Variants in AUTS2 observed in about 807,000 individuals in gnomAD.
AUTS2 encodes autism susceptibility gene 2 protein.
AUTS2 carries 17 observed loss-of-function variants against 112.4 expected under a neutral mutation model. The observed-to-expected ratio is 0.15, with a 90% CI of 0.10 to 0.23. The LOEUF (loss-of-function observed/expected upper bound fraction) is 0.23, where lower values mean the gene tolerates loss of function less well. Ranked by LOEUF, AUTS2 falls within the 10% of genes least tolerant of loss-of-function variation. The pLI, the probability that AUTS2 is intolerant of heterozygous loss-of-function variation, is 1.00. For missense variants in AUTS2, 1,510 were observed against 1,701.6 expected, an observed-to-expected ratio of 0.89 and a Z score of 1.98; for synonymous variants, 751 against 702.7, an observed-to-expected ratio of 1.07 and a Z score of -1.09.
At position 70,118,214 on chromosome 7, in the gene AUTS2, C is replaced by T. The variant is rs1192623569; in HGVS notation, c.605C>T (p.Ser202Phe). ...TCCAAGGGCTTCCACCGGAGCAGCT[C>T]TCGGGAAAGGCTCAGTGATGTAAGT... is the stretch of plus-strand genomic sequence containing the variant. ...GESKGFHRSS[S>F]RERLSDSSAP... The change falls in exon 3 of 19, where the codon TCT becomes TTT. Residue 202 changes from serine (S) to phenylalanine (F), a missense_variant. Around this residue, in one of 3 missense-constraint regions of AUTS2, gnomAD observed 535 missense variants for 594.3 expected, o/e 0.90. Coordinates refer to ENST00000342771, the MANE Select transcript of AUTS2 (RefSeq NM_015570.4). 6.3e-7 allele frequency: 1 copy of T among 1,593,652 alleles called. No individual in the cohort carries two copies. The highest frequency in any genetic ancestry group is 1.1e-5 in the South Asian group (1 of 88,778).
intron 4 of AUTS2, among the ~76,000 whole-genome samples, chr7:70,211,885 C>CTGAGGCAGGAGAATGGAG (rs1810923526): frequency 6.6e-6 from 1 of 151,866 alleles, no homozygotes; most frequent in South Asian, 2.1e-4. Flanking sequence ...ACTCGGGCGG[C>CTGAGGCAGGAGAATGGAG]TGAGGCAGGA....
intron 1 of AUTS2, among the ~76,000 whole-genome samples, chr7:69,760,197 CTTTTTTTTTTTTT>C (rs375758180): frequency 5.8e-5 from 7 of 121,068 alleles, no homozygotes; most frequent in African/African-American, 2.1e-4. Context: ...TTCTTTTTTT[CTTTTTTTTTTTTT>C]TTTTAAATAG....
chr7:70,068,885 T>A (rs887280500), intron 2 of AUTS2, among the ~76,000 whole-genome samples: 1 of 152,226 alleles, frequency 6.6e-6, no homozygotes, highest in Non-Finnish European at 1.5e-5. Context: ...AGTATGACTT[T>A]CAGTCTGTGA....
chr7:70,555,361 T>TA (rs1352518863), intron 5 of AUTS2, among the ~76,000 whole-genome samples: 3 of 152,222 alleles, frequency 2.0e-5, no homozygotes, highest in African/African-American at 7.2e-5. Context: ...GAGTTAAAGT[T>TA]AGACAGGTTG....
intron 2 of AUTS2, among the ~76,000 whole-genome samples, chr7:70,117,271 T>C (rs1805433343): frequency 6.6e-6 from 1 of 152,086 alleles, no homozygotes; most frequent in Non-Finnish European, 1.5e-5. Flanking sequence ...CTTTTAAATA[T>C]GTAGTAAGAA....
chr7:69,848,102 C>T (rs778990532), intron 1 of AUTS2, among the ~76,000 whole-genome samples: 3 of 152,154 alleles, frequency 2.0e-5, no homozygotes, highest in South Asian at 2.1e-4. Flanking sequence ...TCATAGATCC[C>T]GTGGTTTGCT....
intron 4 of AUTS2, among the ~76,000 whole-genome samples, chr7:70,367,429 G>A (rs1046964141): frequency 2.0e-5 from 3 of 151,714 alleles, no homozygotes; most frequent in Non-Finnish European, 4.4e-5. Flanking sequence ...GGTGATGGGC[G>A]CTTGTAGTCC....
intron 2 of AUTS2, among the ~76,000 whole-genome samples, chr7:69,979,848 G>A (rs938893965): frequency 4.6e-5 from 7 of 152,130 alleles, no homozygotes; most frequent in African/African-American, 1.2e-4. Context: ...TCACATATTC[G>A]CCTTGTTTTT....
At position 70,376,646 on chromosome 7, in the gene AUTS2, T is replaced by C. The variant is rs187775402; in HGVS notation, c.661-59106T>C. Among the ~76,000 whole-genome samples, 419 of 151,420 alleles carry C rather than the reference T, an allele frequency of 2.8e-3. 4 individuals are homozygous for C. The highest frequency in any genetic ancestry group is 9.3e-3 in the African/African-American group (383 of 41,218). ...TGCTCTCCTGTGTGATGTAATGGTG[T>C]GAAATGGTGTTTCCAGTGGAAGGCC... On this transcript the variant is annotated intron_variant, in intron 4 of 18. Transcript: ENST00000342771.
At chr7:69,847,539 G>C (rs1792261760) in intron 1 of AUTS2, among the ~76,000 whole-genome samples, 1 of 152,128 alleles carries the variant, frequency 6.6e-6, no homozygotes, top group African/African-American at 2.4e-5. Context: ...GAATCTACCT[G>C]GCCTTCTTCA....
intron 2 of AUTS2, among the ~76,000 whole-genome samples, chr7:70,094,659 G>C (rs1463005063): frequency 6.6e-6 from 1 of 152,154 alleles, no homozygotes; most frequent in Non-Finnish European, 1.5e-5. Context: ...AAGCAGTATG[G>C]AAATGGCTCA....
At chr7:69,700,712 T>C (rs572914641) in intron 1 of AUTS2, among the ~76,000 whole-genome samples, 36 of 152,330 alleles carry the variant, frequency 2.4e-4, no homozygotes, top group Admixed American at 1.4e-3. Context: ...TGCCTCAAGT[T>C]TGTATTTCTT....
intron 2 of AUTS2, among the ~76,000 whole-genome samples, chr7:70,062,957 G>T (rs1266544940): frequency 6.6e-6 from 1 of 152,158 alleles, no homozygotes; most frequent in African/African-American, 2.4e-5. Context: ...AGAGATCTAT[G>T]ATTCATTACT....
chr7:70,367,583 T>A (rs1176323820), intron 4 of AUTS2, among the ~76,000 whole-genome samples: 1 of 150,912 alleles, frequency 6.6e-6, no homozygotes, highest in Non-Finnish European at 1.5e-5. Flanking sequence ...TAAAAAATAA[T>A]AATAATAATA....
At chr7:70,787,469 G>T in intron 18 of AUTS2, 38 bp downstream of exon 18, 1 of 1,462,564 alleles carries the variant, frequency 6.8e-7, no homozygotes, top group Non-Finnish European at 9.4e-7. Context: ...CCACGGGGGA[G>T]CCTGCTCTAT....
intron 2 of AUTS2, among the ~76,000 whole-genome samples, chr7:70,007,284 C>T (rs895529929): frequency 3.9e-5 from 6 of 152,194 alleles, no homozygotes; most frequent in Middle Eastern, 3.4e-3. Flanking sequence ...GGTTGCTTTC[C>T]TAAGTATAAA....
chr7:70,547,474 C>G (rs889274743), intron 5 of AUTS2, among the ~76,000 whole-genome samples: 1 of 152,042 alleles, frequency 6.6e-6, no homozygotes, highest in East Asian at 1.9e-4. Flanking sequence ...AGGATGGTCT[C>G]GATCTCTCCA....
At chr7:70,323,267 C>T (rs761793328) in intron 4 of AUTS2, among the ~76,000 whole-genome samples, 121 of 152,126 alleles carry the variant, frequency 8.0e-4, no homozygotes, top group Non-Finnish European at 1.4e-3. Flanking sequence ...GTCCACAACC[C>T]AACTCAGAGG....
At position 70,609,680 on chromosome 7, in the gene AUTS2, G is replaced by A. The variant is rs575979451; in HGVS notation, c.691-88889G>A. ...CTGACCTCATGATCTGCCCACCTCT[G>A]CCTCCCAAAGTGCTGGGATTACAGG... On this transcript the variant is annotated intron_variant, in intron 5 of 18. Coordinates refer to ENST00000342771, the MANE Select transcript of AUTS2 (RefSeq NM_015570.4). Among the ~76,000 whole-genome samples the A allele has an allele frequency of 2.0e-5, 3 of 151,498 alleles. No homozygotes were observed. In the East Asian group the frequency reaches 5.8e-4, roughly 29 times the overall value.
Sources: gnomAD v4.1 joint callset for allele counts (sites outside exome capture counted in the v4.1 genomes callset) on GRCh38, gnomAD v4.1.1 for gene constraint, gnomAD v4.1.1 regional missense constraint, MANE v1.5 for transcripts, NCBI Gene and HGNC (gene_info 2026-07-23, HGNC 2026-07-21) for gene names.